Variants in KCNH8 observed in about 807,000 individuals in gnomAD.
The protein encoded by KCNH8 is potassium voltage-gated channel subfamily H member 8.
KCNH8 carries 70 observed loss-of-function variants against 103.6 expected under a neutral mutation model. That is an observed-to-expected ratio of 0.68 (90% CI 0.56 to 0.82). The LOEUF (loss-of-function observed/expected upper bound fraction) is 0.82, where lower values mean the gene tolerates loss of function less well. KCNH8 is among the 40% of genes least tolerant of loss of function. KCNH8 has a pLI of 0.00. For synonymous variants in KCNH8, 498 were observed against 489.4 expected (o/e 1.02, Z -0.23); for missense variants, 1,217 against 1,329.9 (o/e 0.92, Z 1.32).
intron 3 of KCNH8, among the ~76,000 whole-genome samples, chr3:19,337,046 A>G (rs555721051): frequency 9.9e-4 from 151 of 152,200 alleles, no homozygotes; most frequent in Non-Finnish European, 1.4e-3. Context: ...GATAACACAG[A>G]TAAGTAAAAA....
chr3:19,222,737 T>C (rs11926703), intron 1 of KCNH8, among the ~76,000 whole-genome samples: 16,204 of 152,188 alleles, frequency 0.11, 2,866 homozygotes, highest in African/African-American at 0.36. Context: ...TTGAAATCTT[T>C]GGAGTTCTGT....
At chr3:19,196,347 A>G (rs2063601858) in intron 1 of KCNH8, among the ~76,000 whole-genome samples, 1 of 151,940 alleles carries the variant, frequency 6.6e-6, no homozygotes, top group Non-Finnish European at 1.5e-5. Context: ...ATCTAATCCC[A>G]TGTGTTCGGA....
chr3:19,154,127 G>A (rs1301164356), intron 1 of KCNH8, among the ~76,000 whole-genome samples: 1 of 152,158 alleles, frequency 6.6e-6, no homozygotes, highest in African/African-American at 2.4e-5. Context: ...TTTGGGTGAG[G>A]GAGGAATAGT....
chr3:19,253,616 A>G (rs369906313), intron 1 of KCNH8, 38 bp from the exon 2 acceptor site: 4 of 1,423,132 alleles, frequency 2.8e-6, no homozygotes, highest in Non-Finnish European at 4.0e-6. Flanking sequence ...TCTCACACTT[A>G]TCTAGTTGCT....
intron 11 of KCNH8, among the ~76,000 whole-genome samples, chr3:19,462,653 C>T (rs558067563): frequency 1.3e-4 from 20 of 152,232 alleles, no homozygotes; most frequent in African/African-American, 4.8e-4. Context: ...TAATTAGATC[C>T]CATTTGTCAA....
intron 2 of KCNH8, among the ~76,000 whole-genome samples, chr3:19,278,612 C>T (rs1388717571): frequency 6.6e-6 from 1 of 152,002 alleles, no homozygotes; most frequent in Non-Finnish European, 1.5e-5. Context: ...ATGCCCTTTA[C>T]ACTGTTTCTC....
At chr3:19,322,826 TTATTC>T (rs1398448910) in intron 3 of KCNH8, among the ~76,000 whole-genome samples, 1 of 152,198 alleles carries the variant, frequency 6.6e-6, no homozygotes, top group Non-Finnish European at 1.5e-5. Flanking sequence ...GGAACACCAA[TTATTC>T]TTAGGTTTGG....
chr3:19,268,373 C>G (rs558016251), intron 2 of KCNH8, among the ~76,000 whole-genome samples: 34 of 152,064 alleles, frequency 2.2e-4, no homozygotes, highest in Middle Eastern at 3.4e-3. Context: ...GCATTCTAGT[C>G]AAAGAGAGCC....
At chr3:19,223,976 G>C (rs2063902390) in intron 1 of KCNH8, among the ~76,000 whole-genome samples, 1 of 152,048 alleles carries the variant, frequency 6.6e-6, no homozygotes, top group African/African-American at 2.4e-5. Flanking sequence ...ATCATATTTG[G>C]TATGTACAGA....
At chr3:19,190,161 C>T (rs1239693932) in intron 1 of KCNH8, among the ~76,000 whole-genome samples, 4 of 151,910 alleles carry the variant, frequency 2.6e-5, no homozygotes, top group Admixed American at 2.6e-4. Context: ...CTGGTGTTCA[C>T]AGGTTTTCCA....
intron 2 of KCNH8, among the ~76,000 whole-genome samples, chr3:19,279,416 G>A (rs1276037006): frequency 6.6e-6 from 1 of 152,034 alleles, no homozygotes; most frequent in Non-Finnish European, 1.5e-5. Flanking sequence ...AGTTCCAGAT[G>A]GGTTAATCGA....
chr3:19,378,173 G>A (rs558582337), intron 5 of KCNH8, among the ~76,000 whole-genome samples: 36 of 152,198 alleles, frequency 2.4e-4, no homozygotes, highest in Non-Finnish European at 3.1e-4. Flanking sequence ...CAGCAAAAGC[G>A]CGTGGAAAAG....
chr3:19,306,965 A>C (rs1251380830), intron 3 of KCNH8, among the ~76,000 whole-genome samples: 2 of 152,070 alleles, frequency 1.3e-5, no homozygotes, highest in Admixed American at 6.6e-5. Flanking sequence ...AGCAGACCTC[A>C]AAGTATACTA....
intron 11 of KCNH8, among the ~76,000 whole-genome samples, chr3:19,506,027 A>C (rs1018525819): frequency 2.6e-5 from 4 of 152,280 alleles, no homozygotes; most frequent in Admixed American, 6.5e-5. Context: ...CTGTTTTATA[A>C]TGGCTATTTC....
In KCNH8 at chr3:19,368,528, C is replaced by G. The variant is rs1484204999; in HGVS notation, c.811+20563C>G. ...GCAGCTGTAGTTTTGATTATTTACC[C>G]ATTCATAATTATACCTAAGACTAGC... On this transcript the variant is annotated intron_variant, in intron 5 of 15. Coordinates refer to ENST00000328405, the MANE Select transcript of KCNH8 (RefSeq NM_144633.3). Among the ~76,000 whole-genome samples the G allele has an allele frequency of 5.3e-5, 8 of 151,996 alleles. No individual in the cohort carries two copies. The East Asian group carries it at 1.5e-3, about 29-fold the overall frequency.
intron 3 of KCNH8, among the ~76,000 whole-genome samples, chr3:19,319,698 T>C (rs2065324148): frequency 6.6e-6 from 1 of 152,010 alleles, no homozygotes; most frequent in Non-Finnish European, 1.5e-5. Flanking sequence ...TCTACTTCTG[T>C]GGAGAATGAT....
chr3:19,244,307 A>G (rs1367113320), intron 1 of KCNH8, among the ~76,000 whole-genome samples: 1 of 152,154 alleles, frequency 6.6e-6, no homozygotes, highest in Non-Finnish European at 1.5e-5. Context: ...AAGGCAGGAG[A>G]AAAGTTTGAC....
At chr3:19,518,634 A>C (rs1295943878) in intron 15 of KCNH8, among the ~76,000 whole-genome samples, 2 of 151,998 alleles carry the variant, frequency 1.3e-5, no homozygotes, top group African/African-American at 4.8e-5. Context: ...TCACCAATAC[A>C]ATCCAGTGAG....
intron 11 of KCNH8, among the ~76,000 whole-genome samples, chr3:19,459,724 A>C (rs1182775641): frequency 6.6e-6 from 1 of 152,128 alleles, no homozygotes; most frequent in Admixed American, 6.6e-5. Context: ...GAGTTACATA[A>C]TTTCAGTTCT....
Sources: allele counts gnomAD v4.1 joint callset (sites outside exome capture counted in the v4.1 genomes callset), GRCh38; gene constraint gnomAD v4.1.1; transcripts MANE v1.5; gene names NCBI Gene and HGNC (gene_info 2026-07-23, HGNC 2026-07-21).